Variants in LHPP observed in about 807,000 individuals in gnomAD.
The protein encoded by LHPP is hLHPP.
A neutral mutation model predicts 30.3 loss-of-function variants in LHPP; 24 were observed. That is an observed-to-expected ratio of 0.79 (90% CI 0.57 to 1.11). The LOEUF (loss-of-function observed/expected upper bound fraction) is 1.11. Ranked by LOEUF, LHPP falls within the 50% of genes most tolerant of loss-of-function variation. The probability of loss-of-function intolerance (pLI) is 0.00; values close to 1 mark genes in which losing one functional copy is unlikely to be tolerated. For missense variants in LHPP, 356 were observed against 367.2 expected, an observed-to-expected ratio of 0.97 and a Z score of 0.25; for synonymous variants, 150 against 157.1, an observed-to-expected ratio of 0.95 and a Z score of 0.34.
chr10:124,508,590 C>CT lies in LHPP; in HGVS notation c.625-8576dup, dbSNP rs200472559. Among the ~76,000 whole-genome samples, 362 of 135,438 alleles carry CT rather than the reference C, an allele frequency of 2.7e-3. 1 individual carries two copies. Among genetic ancestry groups the CT allele is most frequent in the African/African-American group, 7.0e-3 (251 of 35,886 alleles). The allele number at this position is 135,438 out of a possible 152,430, so 88.9% of individuals were successfully genotyped here. A position where few individuals can be genotyped will look rare whatever the true frequency, so the allele number is the denominator to read the frequency against. On this transcript the variant is annotated intron_variant, in intron 5 of 6. Transcript: ENST00000368842. ...TTCAGAGTTTTTTCTCCCTTGGAGG[C>CT]TTTTTTTTTTTTTTAAGTAGATTTT... is the stretch of plus-strand genomic sequence containing the variant.
intron 6 of LHPP, among the ~76,000 whole-genome samples, chr10:124,566,840 A>G (rs1481973896): frequency 6.6e-6 from 1 of 152,166 alleles, no homozygotes; most frequent in African/African-American, 2.4e-5. Flanking sequence ...CACTTTGTCC[A>G]GGGGCAGAAG....
At chr10:124,608,419 G>A (rs1053148443) in intron 6 of LHPP, among the ~76,000 whole-genome samples, 54 of 152,160 alleles carry the variant, frequency 3.5e-4, no homozygotes, top group South Asian at 2.1e-4. Flanking sequence ...GCCCACACCC[G>A]CGCCAACCAA....
chr10:124,502,591 G>T (rs777790857), intron 5 of LHPP, among the ~76,000 whole-genome samples: 2 of 149,662 alleles, frequency 1.3e-5, no homozygotes, highest in African/African-American at 5.0e-5. Flanking sequence ...GGATGGTCTC[G>T]ATCTCCTGAC....
chr10:124,528,801 A>G (rs1484690304), intron 6 of LHPP, among the ~76,000 whole-genome samples: 2 of 151,978 alleles, frequency 1.3e-5, no homozygotes, highest in African/African-American at 4.8e-5. Context: ...TGGGGGATCG[A>G]GTGAATGTGG....
intron 6 of LHPP, among the ~76,000 whole-genome samples, chr10:124,554,359 C>T (rs1177480717): frequency 1.3e-5 from 2 of 152,092 alleles, no homozygotes; most frequent in South Asian, 2.1e-4. Flanking sequence ...ACCACCACAC[C>T]GGCTAGTTTT....
intron 6 of LHPP, among the ~76,000 whole-genome samples, chr10:124,602,834 C>A (rs1055906912): frequency 1.3e-5 from 2 of 152,222 alleles, no homozygotes; most frequent in Non-Finnish European, 2.9e-5. Flanking sequence ...CTGTAAGGAT[C>A]CAAGGCCGAG....
chr10:124,464,138 A>G (rs768841185), intron 1 of LHPP, among the ~76,000 whole-genome samples: 4 of 152,160 alleles, frequency 2.6e-5, no homozygotes, highest in Non-Finnish European at 5.9e-5. Context: ...TTTCAGTAGC[A>G]TGGTTGGCAC....
rs572319565 is a variant in LHPP at position 124,596,460 on chromosome 10, G to A, written c.717-16804G>A. 6.4e-4 allele frequency among the ~76,000 whole-genome samples: 97 copies of A among 152,266 alleles called. 1 individual carries two copies. The highest frequency in any genetic ancestry group is 2.1e-3 in the Admixed American group (32 of 15,302). ...CTGGCCATTCAGGTGGACGTGGAGC[G>A]GTGTCATTTCCTTCCTGAGGGGCCT... On this transcript the variant is annotated intron_variant, in intron 6 of 6. Coordinates refer to ENST00000368842, the MANE Select transcript of LHPP (RefSeq NM_022126.4). The surrounding 1 kb of genome is among the most constrained non-coding windows in gnomAD (Gnocchi z 4.6).
intron 1 of LHPP, among the ~76,000 whole-genome samples, chr10:124,479,851 C>T (rs1953072385): frequency 6.6e-6 from 1 of 152,234 alleles, no homozygotes; most frequent in South Asian, 2.1e-4. Context: ...GGTCAGGTCT[C>T]TGTCTCCTGG....
rs891340927 is a variant in LHPP, at chr10:124,548,534, C to A, written c.716+31263C>A. ...GTCTCAGAACGGCAGGCTGCTCCCC[C>A]TCCTACCTCGGGGCCCCCACTGTGC... On this transcript the variant is annotated intron_variant, in intron 6 of 6. Coordinates refer to ENST00000368842, the MANE Select transcript of LHPP (RefSeq NM_022126.4). Among the ~76,000 whole-genome samples, 5 of 152,188 alleles carry A rather than the reference C, an allele frequency of 3.3e-5. No individual in the cohort carries two copies. In the East Asian group the frequency reaches 9.6e-4, roughly 29 times the overall value.
intron 6 of LHPP, among the ~76,000 whole-genome samples, chr10:124,597,949 C>G (rs1317533814): frequency 2.0e-5 from 3 of 152,236 alleles, no homozygotes; most frequent in Non-Finnish European, 4.4e-5. Flanking sequence ...TCTGCCAAAG[C>G]GAGCCTTTTA....
intron 6 of LHPP, among the ~76,000 whole-genome samples, chr10:124,546,550 C>T (rs528764456): frequency 6.6e-6 from 1 of 152,216 alleles, no homozygotes; most frequent in Non-Finnish European, 1.5e-5. Flanking sequence ...CTACAGGTGC[C>T]TGCCACCACG....
chr10:124,584,363 CAAAA>C (rs71484569), intron 6 of LHPP, among the ~76,000 whole-genome samples: 6 of 98,412 alleles, frequency 6.1e-5, no homozygotes, highest in Admixed American at 1.2e-4. Flanking sequence ...GACTCTGTCT[CAAAA>C]AAAAAAAAAA....
intron 6 of LHPP, among the ~76,000 whole-genome samples, chr10:124,607,727 C>G (rs1429554490): frequency 6.6e-6 from 1 of 152,146 alleles, no homozygotes; most frequent in Non-Finnish European, 1.5e-5. Context: ...GCGGTGTTTG[C>G]TGGAAGAATT....
At chr10:124,584,449 G>C (rs1472434266) in intron 6 of LHPP, among the ~76,000 whole-genome samples, 1 of 152,126 alleles carries the variant, frequency 6.6e-6, no homozygotes, top group Admixed American at 6.6e-5. Flanking sequence ...GCACTGGTAG[G>C]TTGGTGTCTG....
intron 5 of LHPP, among the ~76,000 whole-genome samples, chr10:124,501,601 T>TAAAAA (rs1046422221): frequency 5.2e-5 from 6 of 116,410 alleles, no homozygotes; most frequent in Non-Finnish European, 7.2e-5. Context: ...GACTCTGTCT[T>TAAAAA]AAAAAAAAAA....
chr10:124,549,535 A>G, intron 6 of LHPP, among the ~76,000 whole-genome samples: 1 of 152,270 alleles, frequency 6.6e-6, no homozygotes, highest in East Asian at 1.9e-4. Flanking sequence ...CTGGTTCTGA[A>G]AAAGCTTTCT....
intron 6 of LHPP, among the ~76,000 whole-genome samples, chr10:124,558,761 T>C (rs1743782524): frequency 6.6e-6 from 1 of 152,204 alleles, no homozygotes; most frequent in Non-Finnish European, 1.5e-5. Flanking sequence ...AGTCCCAGTG[T>C]CAAGCTTAGT....
chr10:124,568,369 C>T (rs1355017986), intron 6 of LHPP, among the ~76,000 whole-genome samples: 1 of 152,230 alleles, frequency 6.6e-6, no homozygotes. Context: ...TCTTCTTGCC[C>T]TTTGCCTGCA....
Sources: allele counts gnomAD v4.1 joint callset (sites outside exome capture counted in the v4.1 genomes callset), GRCh38; gene constraint gnomAD v4.1.1; non-coding constraint Gnocchi (gnomAD v3.1); transcripts MANE v1.5; gene names NCBI Gene and HGNC (gene_info 2026-07-23, HGNC 2026-07-21).